Variants in YTHDC2 observed in about 807,000 individuals in gnomAD.
YTHDC2 encodes YTH N6-methyladenosine RNA binding protein C2.
Under a neutral mutation model 174.9 loss-of-function variants are expected in YTHDC2, and 45 were observed. The ratio of observed to expected loss-of-function variants is 0.26; its 90% CI spans 0.20 to 0.33. The LOEUF (loss-of-function observed/expected upper bound fraction) is 0.33. YTHDC2 is among the 10% of genes least tolerant of loss of function. The pLI, the probability that YTHDC2 is intolerant of heterozygous loss-of-function variation, is 1.00. For synonymous variants in YTHDC2, 657 were observed against 574.5 expected (o/e 1.14, Z -2.05); for missense variants, 1,650 against 1,723.7 (o/e 0.96, Z 0.76).
chr5:113,584,461 T>A lies in YTHDC2; in HGVS notation c.3807T>A (p.Ser1269=), dbSNP rs1307874296. 6.2e-7 allele frequency: 1 copy of A among 1,611,536 alleles called. No homozygotes were observed. The highest frequency in any genetic ancestry group is 1.7e-5 in the Admixed American group (1 of 59,694). The change falls in exon 26 of 30, where the codon TCT becomes TCA. Residue 1269 remains serine (S), a synonymous_variant. Transcript: ENST00000161863. ...SSYPSPCASP[S]PPSSGKGSKS... is the part of the protein sequence containing the mutation. ...ACCCAAGTCCTTGTGCTAGTCCTTC[T>A]CCTCCATCCTCAGGAAAGGTAAGAG...
chr5:113,566,787 C>G (rs1777359127), intron 21 of YTHDC2, among the ~76,000 whole-genome samples: 1 of 152,042 alleles, frequency 6.6e-6, no homozygotes, highest in Non-Finnish European at 1.5e-5. Context: ...TAGTTTGTTT[C>G]TGGCAGCAGA....
rs774509204 is a variant in YTHDC2, at chr5:113,541,022, T to G, written c.1265T>G (p.Phe422Cys). 1.8e-5 allele frequency: 29 copies of G among 1,614,120 alleles called. No individual in the cohort carries two copies. Among genetic ancestry groups the G allele is most frequent in the Non-Finnish European group, 2.2e-5 (26 of 1,179,992 alleles). Residue 422 changes from phenylalanine (F) to cysteine (C), a missense_variant, in exon 9 of 30, where the codon TTC (phenylalanine) becomes TGC (cysteine). By Grantham distance (205) the Phe-to-Cys change is radical. Transcript: ENST00000161863. ...TGGTACTCAGCTCAAGAAAATAGTT[T>G]CAAGCCTGAATCTCAGAGGCAGAGA... ...TEWYSAQENSFKPESQRQRTV... is the reference protein window; with the variant it reads ...TEWYSAQENSCKPESQRQRTV...
intron 8 of YTHDC2, 88 bp from the exon 9 acceptor site, chr5:113,540,880 C>T: frequency 3.9e-6 from 5 of 1,275,486 alleles, no homozygotes; most frequent in South Asian, 3.1e-5. Context: ...TAAGAGATAC[C>T]AGATTCCCAT....
intron 7 of YTHDC2, among the ~76,000 whole-genome samples, chr5:113,537,476 GCTT>G (rs1775164037): frequency 6.6e-6 from 1 of 150,710 alleles, no homozygotes; most frequent in Non-Finnish European, 1.5e-5. Context: ...TCCCCTGTGG[GCTT>G]CTCTTCTTTT....
rs528266507 is a variant in YTHDC2, at chr5:113,527,242, A to G, written c.675+457A>G. 2.0e-5 allele frequency among the ~76,000 whole-genome samples: 3 copies of G among 152,320 alleles called. No homozygotes were observed. The South Asian group carries it at 6.2e-4, about 32-fold the overall frequency. On this transcript the variant is annotated intron_variant, in intron 4 of 29. Coordinates refer to ENST00000161863, the MANE Select transcript of YTHDC2 (RefSeq NM_022828.5). The stretch of plus-strand genomic sequence containing the variant: ...AGATTATCTCTGTAAAGTGCCTAGC[A>G]TAGCATTTTGCATATAGGAACCAAA...
intron 27 of YTHDC2, among the ~76,000 whole-genome samples, chr5:113,591,714 C>T (rs1044267063): frequency 1.8e-4 from 28 of 151,962 alleles, no homozygotes; most frequent in Middle Eastern, 3.4e-3. Context: ...TAGCTTGTAT[C>T]CATTTATCAT....
chr5:113,514,177 C>G, intron 1 of YTHDC2, 95 bp downstream of exon 1: 4 of 1,460,944 alleles, frequency 2.7e-6, no homozygotes, highest in Non-Finnish European at 3.7e-6. Context: ...GGGGGTGCCT[C>G]CGAAGAGGGA....
intron 27 of YTHDC2, 85 bp downstream of exon 27, chr5:113,591,329 A>G: frequency 7.3e-7 from 1 of 1,376,296 alleles, no homozygotes; most frequent in Non-Finnish European, 1.0e-6. Context: ...CTGGCTTTTC[A>G]TTGCATCAGA....
In YTHDC2 at chr5:113,513,968, T is replaced by C. The variant is rs1007614690; in HGVS notation, c.73T>C (p.Cys25Arg). ...TGGCGGAGGCGGCGGCCCCTCGCCT[T>C]GTGGCCCTGGGGGCGGCGGCCGGGC... The part of the protein sequence containing the change: ...GGGGGGGPSP[C>R]GPGGGGRAKG... Residue 25 changes from cysteine (C) to arginine (R), a missense_variant, in exon 1 of 30, where the codon TGT becomes CGT. Physicochemically the swap from Cys to Arg is radical, Grantham distance 180 (BLOSUM62 -3). Transcript: ENST00000161863. 3.7e-6 allele frequency: 6 copies of C among 1,603,608 alleles called. No homozygotes were observed. In the African/African-American group the frequency reaches 8.0e-5, roughly 21 times the overall value.
intron 23 of YTHDC2, among the ~76,000 whole-genome samples, chr5:113,572,813 A>T (rs1263169422): frequency 1.3e-5 from 2 of 151,822 alleles, no homozygotes. Flanking sequence ...TGCTTGGTAA[A>T]TTTTCCTCCA....
rs1398524422 is a variant in YTHDC2, at chr5:113,542,377, G to T, written c.1369G>T (p.Asp457Tyr). Residue 457 changes from aspartate to tyrosine, a missense_variant, in exon 10 of 30, where the codon GAT becomes TAT. Asp to Tyr is a radical substitution (Grantham distance 160, BLOSUM62 -3). Transcript: ENST00000161863. ...TTACTGTTTTTTGTAGACTGAAAAA[G>T]ATGTGAATTGCCTTGAACCATGGTT... ...DAVFSQLTEK[D>Y]VNCLEPWLIK... 1.2e-6 allele frequency: 2 copies of T among 1,605,688 alleles called. No homozygotes were observed. Among genetic ancestry groups the T allele is most frequent in the East Asian group, 2.2e-5 (1 of 44,618 alleles).
At chr5:113,580,952 C>T (rs552558390) in intron 24 of YTHDC2, among the ~76,000 whole-genome samples, 2 of 152,208 alleles carry the variant, frequency 1.3e-5, no homozygotes, top group South Asian at 4.1e-4. Context: ...TTCTTACTCC[C>T]TCTATACATT....
chr5:113,544,611 C>T (rs1313210825), intron 10 of YTHDC2, among the ~76,000 whole-genome samples: 1 of 151,992 alleles, frequency 6.6e-6, no homozygotes, highest in Non-Finnish European at 1.5e-5. Context: ...CTCCCTTTTT[C>T]TGCTTCTGGA....
chr5:113,591,232 T>C lies in YTHDC2; in HGVS notation c.4017T>C (p.Ser1339=), dbSNP rs1561716281. 1 of 1,613,884 alleles carries C rather than the reference T, an allele frequency of 6.2e-7. No individual in the cohort carries two copies. The highest frequency in any genetic ancestry group is 8.5e-7 in the Non-Finnish European group (1 of 1,179,828). The part of the protein sequence containing the change: ...IVYLVFSVQG[S]GHFQGFSRMS... ...ACTTGGTATTTTCTGTTCAAGGATCTGGACATTTCCAGGTGAGCCACCCTG... is the reference window on the plus strand; with the variant it reads ...ACTTGGTATTTTCTGTTCAAGGATCCGGACATTTCCAGGTGAGCCACCCTG... Residue 1339 remains serine (S), a synonymous_variant, in exon 27 of 30, where the codon TCT becomes TCC. Transcript: ENST00000161863.
intron 1 of YTHDC2, among the ~76,000 whole-genome samples, chr5:113,514,825 T>G (rs1027829645): frequency 1.7e-4 from 26 of 152,202 alleles, no homozygotes; most frequent in African/African-American, 3.4e-4. Flanking sequence ...CTGTACAGTT[T>G]TGAAAGCAAA....
intron 6 of YTHDC2, among the ~76,000 whole-genome samples, chr5:113,535,197 G>A (rs4705829): frequency 0.92 from 139,948 of 152,246 alleles, 64,546 homozygotes; most frequent in African/African-American, 0.98. Flanking sequence ...TTGTGTGTCT[G>A]TTGAACATGT....
At chr5:113,562,629 C>G (rs1223570898) in intron 18 of YTHDC2, among the ~76,000 whole-genome samples, 1 of 152,152 alleles carries the variant, frequency 6.6e-6, no homozygotes, top group Non-Finnish European at 1.5e-5. Flanking sequence ...GTTTCTCAAG[C>G]ACGTCTTTTT....
intron 23 of YTHDC2, among the ~76,000 whole-genome samples, chr5:113,570,672 A>G (rs925146518): frequency 6.6e-5 from 10 of 152,038 alleles, no homozygotes; most frequent in South Asian, 4.2e-4. Flanking sequence ...TTATTTTGAG[A>G]TGGAGTCTCA....
At chr5:113,564,777 T>TTC (rs1777222624) in intron 20 of YTHDC2, among the ~76,000 whole-genome samples, 1 of 152,202 alleles carries the variant, frequency 6.6e-6, no homozygotes, top group African/African-American at 2.4e-5. Context: ...ATTGTATTTA[T>TTC]TCTCAAATCT....
Sources: allele counts gnomAD v4.1 joint callset (sites outside exome capture counted in the v4.1 genomes callset), GRCh38; gene constraint gnomAD v4.1.1; transcripts MANE v1.5; gene names NCBI Gene and HGNC (gene_info 2026-07-23, HGNC 2026-07-21).